GSDMB: variants seen among roughly 807,000 people sequenced by gnomAD.
GSDMB encodes the protein gasdermin-B.
A neutral mutation model predicts 42.9 loss-of-function variants in GSDMB; 32 were observed. That is an observed-to-expected ratio of 0.75 (90% CI 0.56 to 1.00). The LOEUF (loss-of-function observed/expected upper bound fraction) is 1.00. Ranked by LOEUF, GSDMB falls within the 50% of genes least tolerant of loss-of-function variation. GSDMB has a pLI of 0.00. For synonymous variants in GSDMB, 175 were observed against 193.7 expected, an observed-to-expected ratio of 0.90 and a Z score of 0.80; for missense variants, 468 against 498.5, an observed-to-expected ratio of 0.94 and a Z score of 0.58.
intron 2 of GSDMB, 50 bp from the exon 3 acceptor site, chr17:39,912,547 T>G (rs769189092): frequency 1.4e-6 from 2 of 1,472,050 alleles, no homozygotes; most frequent in Non-Finnish European, 1.9e-6. Flanking sequence ...CCAAAAGATC[T>G]CTCTCCAAAA....
chr17:39,911,568 G>T (rs1005181379), intron 3 of GSDMB, among the ~76,000 whole-genome samples: 1 of 152,114 alleles, frequency 6.6e-6, no homozygotes, highest in Non-Finnish European at 1.5e-5. Context: ...CTGCTGGGGT[G>T]GGGTGGCTGT....
At chr17:39,913,386 G>A (rs1294633948) in intron 2 of GSDMB, among the ~76,000 whole-genome samples, 2 of 152,154 alleles carry the variant, frequency 1.3e-5, no homozygotes, top group Admixed American at 6.5e-5. Context: ...ACTTTGGGAG[G>A]CTGAGGTGGG....
Position 39,904,672 on chromosome 17 carries a change from C to G in GSDMB, c.*140G>C, listed in dbSNP as rs775348467. 5.3e-5 allele frequency: 34 copies of G among 645,782 alleles called. No individual in the cohort carries two copies. Among genetic ancestry groups the G allele is most frequent in the Non-Finnish European group, 8.2e-5 (31 of 379,262 alleles). 40.0% of individuals were successfully genotyped at this position (645,782 alleles called of 1,614,324 possible). A position where few individuals can be genotyped will look rare whatever the true frequency, so the allele number is the denominator to read the frequency against. The stretch of plus-strand genomic sequence containing the variant: ...GCTGGTTTTGGATGTTAACATGGAG[C>G]GAATGGGATACATCAAAGAATGGTT... On this transcript the variant is annotated 3_prime_UTR_variant, in exon 11 of 11. Coordinates refer to ENST00000418519, the MANE Select transcript of GSDMB (RefSeq NM_001165958.2).
In GSDMB at chr17:39,917,144, A is replaced by G. The variant is rs755740952; in HGVS notation, c.173T>C (p.Leu58Pro). 1.1e-5 allele frequency: 18 copies of G among 1,614,182 alleles called. No individual in the cohort carries two copies. The highest frequency in any genetic ancestry group is 1.5e-5 in the Non-Finnish European group (18 of 1,180,010). Residue 58 changes from leucine (L) to proline (P), a missense_variant, in exon 2 of 11, where the codon CTG becomes CCG. By Grantham distance (98) the Leu-to-Pro change is moderately conservative (BLOSUM62 -3). Transcript: ENST00000418519. The part of the protein sequence containing the change: ...GCRHYTTGLT[L>P]MDILDTDGDK... ...CCCATCTGTGTCCAGAATGTCCATC[A>G]GGGTGAGGCCTGTTGTGTAGTGCCG...
intron 3 of GSDMB, among the ~76,000 whole-genome samples, chr17:39,911,279 T>C (rs183631218): frequency 0.028 from 3,991 of 141,930 alleles, 75 homozygotes; most frequent in Non-Finnish European, 0.042. Context: ...GCCAAGAATG[T>C]ACCATTGCAC....
Position 39,909,935 on chromosome 17 carries a change from T to C in GSDMB, c.408-11A>G, listed in dbSNP as rs768428682. On this transcript the variant is annotated splice_polypyrimidine_tract_variant and intron_variant, in intron 3 of 10. Coordinates refer to ENST00000418519, the MANE Select transcript of GSDMB (RefSeq NM_001165958.2). ...TCCCTCTTCAGCTTCCTGGAGAGAG[T>C]GGAGAGAGATGAGAGTTAAGGATCT... The C allele has an allele frequency of 8.1e-6, 13 of 1,606,440 alleles. No homozygotes were observed. The Admixed American group carries it at 1.7e-4, about 21-fold the overall frequency.
rs1395378548 is a variant in GSDMB, at chr17:39,907,314, C to T, written c.701-327G>A. On this transcript the variant is annotated intron_variant, in intron 6 of 10. Coordinates refer to ENST00000418519, the MANE Select transcript of GSDMB (RefSeq NM_001165958.2). Reference sequence around the variant, plus strand: ...CCTTTCCAAGCTCTCTTAGGCAGTACAACCCTGCTGGGATCAAGGGGAAAA... The same window carrying T: ...CCTTTCCAAGCTCTCTTAGGCAGTATAACCCTGCTGGGATCAAGGGGAAAA... 11 of 537,552 alleles carry T rather than the reference C, an allele frequency of 2.0e-5. No homozygotes were observed. The South Asian group carries it at 3.3e-4, about 16-fold the overall frequency. 33.3% of individuals were successfully genotyped at this position (537,552 alleles called of 1,614,324 possible). A position where few individuals can be genotyped will look rare whatever the true frequency, so the allele number is the denominator to read the frequency against.
At chr17:39,908,463 T>C (rs936125499) in intron 5 of GSDMB, among the ~76,000 whole-genome samples, 1 of 151,512 alleles carries the variant, frequency 6.6e-6, no homozygotes, top group Non-Finnish European at 1.5e-5. Flanking sequence ...CACTGCAACC[T>C]CCACTTCCCA....
At chr17:39,916,283 T>TC (rs2063708964) in intron 2 of GSDMB, among the ~76,000 whole-genome samples, 1 of 146,554 alleles carries the variant, frequency 6.8e-6, no homozygotes, top group Non-Finnish European at 1.5e-5. Flanking sequence ...TCATTTGATT[T>TC]TTTTTTTTTT....
chr17:39,909,204 A>C (rs955250119), intron 4 of GSDMB, among the ~76,000 whole-genome samples, 162 bp from the exon 5 acceptor site: 1 of 152,164 alleles, frequency 6.6e-6, no homozygotes, highest in African/African-American at 2.4e-5. Flanking sequence ...CTCACAGCTA[A>C]AAACAGTGGC....
At chr17:39,905,778 ATG>A in intron 9 of GSDMB, 67 bp downstream of exon 9, 1 of 1,532,632 alleles carries the variant, frequency 6.5e-7, no homozygotes, top group Non-Finnish European at 8.9e-7. Context: ...TCCTCCCAAG[ATG>A]TGACTCCCCA....
At chr17:39,909,235 C>T (rs1000715347) in intron 4 of GSDMB, among the ~76,000 whole-genome samples, 193 bp from the exon 5 acceptor site, 23 of 152,206 alleles carry the variant, frequency 1.5e-4, no homozygotes, top group Non-Finnish European at 2.5e-4. Context: ...TTTGAACCCA[C>T]GTCTGATGCC....
At position 39,906,981 on chromosome 17, in the gene GSDMB, T is replaced by A; in HGVS notation, c.707A>T (p.Asp236Val). Residue 236 changes from aspartate to valine, a missense_variant, in exon 7 of 11, where the codon GAT becomes GTT. Asp to Val is a radical substitution (Grantham distance 152). Coordinates refer to ENST00000418519, the MANE Select transcript of GSDMB (RefSeq NM_001165958.2). ...CTTACCTAAACAGGATGAAGCACCA[T>A]CCTTCTCTGCAGAGAGAGGAAGAGT... ...GKTKSFPEEK[D>V]GASSCLGKSL... 1 of 1,613,972 alleles carries A rather than the reference T, an allele frequency of 6.2e-7. No individual in the cohort carries two copies. The highest frequency in any genetic ancestry group is 2.2e-5 in the East Asian group (1 of 44,882).
chr17:39,908,697 TA>T (rs2063551964), intron 5 of GSDMB, among the ~76,000 whole-genome samples: 1 of 152,190 alleles, frequency 6.6e-6, no homozygotes, highest in African/African-American at 2.4e-5. Context: ...ACAATTATTC[TA>T]TTTGGAGACT....
At position 39,917,306 on chromosome 17, in the gene GSDMB, A is replaced by G. The variant is rs775513658; in HGVS notation, c.11T>C (p.Val4Ala). The change falls in exon 2 of 11, where the codon GTA becomes GCA. Residue 4 changes from valine (V) to alanine (A), a missense_variant. Transcript: ENST00000418519. MFSVFEEITRIVVK... is the reference protein window; with the variant it reads MFSAFEEITRIVVK... ...TACAATTCTTGTGATTTCCTCAAAT[A>G]CGCTGAACATTGCGCCTGGACCAAC... is the stretch of plus-strand genomic sequence containing the variant. 4.4e-5 allele frequency: 70 copies of G among 1,608,822 alleles called. No homozygotes were observed. Among genetic ancestry groups the G allele is most frequent in the Non-Finnish European group, 5.9e-5 (69 of 1,175,264 alleles).
At chr17:39,917,634 A>G (rs1227421571) in intron 1 of GSDMB, 3 of 331,562 alleles carry the variant, frequency 9.0e-6, no homozygotes, top group Non-Finnish European at 1.7e-5. Flanking sequence ...CCTGCCCTTA[A>G]GAAGGTACTT....
Position 39,906,689 on chromosome 17 carries a change from A to ACC in GSDMB, c.727+271_727+272insGG, listed in dbSNP as rs35196450. 510 of 1,169,948 alleles carry ACC rather than the reference A, an allele frequency of 4.4e-4. 2 individuals are homozygous for ACC. The highest frequency in any genetic ancestry group is 2.5e-3 in the South Asian group (113 of 45,816). The allele number at this position is 1,169,948 out of a possible 1,614,324, so 72.5% of individuals were successfully genotyped here. On this transcript the variant is annotated intron_variant, in intron 7 of 10. Coordinates refer to ENST00000418519, the MANE Select transcript of GSDMB (RefSeq NM_001165958.2). ...TATTACAAATCCTGATGTCCAGGCCACACCCCCACAATTAAGTCAGAGTTT... is the reference window on the plus strand; with the variant it reads ...TATTACAAATCCTGATGTCCAGGCCACCCACCCCCACAATTAAGTCAGAGTTT...
intron 6 of GSDMB, among the ~76,000 whole-genome samples, chr17:39,907,975 T>C (rs748841146): frequency 3.9e-5 from 6 of 152,180 alleles, no homozygotes; most frequent in Non-Finnish European, 8.8e-5. Context: ...GAAGTTGTCC[T>C]AGGAGCAGCC....
At chr17:39,905,187 G>C (rs1357614394) in intron 10 of GSDMB, 2 of 605,688 alleles carry the variant, frequency 3.3e-6, no homozygotes, top group Non-Finnish European at 5.8e-6. Flanking sequence ...CTGCTGTCCT[G>C]GGACTAACCA....
Sources: allele counts gnomAD v4.1 joint callset (sites outside exome capture counted in the v4.1 genomes callset), GRCh38; gene constraint gnomAD v4.1.1; transcripts MANE v1.5; gene names NCBI Gene and HGNC (gene_info 2026-07-23, HGNC 2026-07-21).